SKAP1: variants seen among roughly 807,000 people sequenced by gnomAD.
SKAP1 encodes the protein src kinase associated phosphoprotein 1, also known as src kinase-associated phosphoprotein 1.
In SKAP1, 44 loss-of-function variants were observed where a neutral mutation model predicts 58.5. The ratio of observed to expected loss-of-function variants is 0.75; its 90% CI spans 0.59 to 0.97. The LOEUF (loss-of-function observed/expected upper bound fraction) is 0.97. Among genes scored for constraint, SKAP1 ranks in the 50% least tolerant of loss-of-function variants. SKAP1 has a pLI of 0.00. For missense variants in SKAP1, 390 were observed against 435.2 expected, an observed-to-expected ratio of 0.90 and a Z score of 0.92; for synonymous variants, 127 against 149.7, an observed-to-expected ratio of 0.85 and a Z score of 1.11.
chr17:48,420,669 C>T (rs1433855885), intron 1 of SKAP1, among the ~76,000 whole-genome samples: 1 of 151,360 alleles, frequency 6.6e-6, no homozygotes, highest in Non-Finnish European at 1.5e-5. Context: ...CCCATCCTGG[C>T]ACCCCCTGAT....
intron 3 of SKAP1, among the ~76,000 whole-genome samples, chr17:48,356,297 T>C (rs565116077): frequency 1.3e-5 from 2 of 152,188 alleles, no homozygotes; most frequent in African/African-American, 4.8e-5. Context: ...GATAGATAGA[T>C]AGATGAAAAC....
chr17:48,399,195 T>C (rs2067462645), intron 1 of SKAP1, among the ~76,000 whole-genome samples: 1 of 152,170 alleles, frequency 6.6e-6, no homozygotes, highest in Non-Finnish European at 1.5e-5. Context: ...TGGGTTCCAC[T>C]AGGGTCCTTT....
At chr17:48,165,565 T>G (rs547453286) in intron 10 of SKAP1, among the ~76,000 whole-genome samples, 2 of 152,130 alleles carry the variant, frequency 1.3e-5, no homozygotes, top group East Asian at 3.9e-4. Context: ...CACGCCCAGC[T>G]AATTTTGTAT....
rs149557871 is a variant in SKAP1 at position 48,427,429 on chromosome 17, C to T, written c.46+2646G>A. Among the ~76,000 whole-genome samples the T allele has an allele frequency of 1.9e-4, 29 of 152,184 alleles. No individual in the cohort carries two copies. The Middle Eastern group carries it at 0.01, about 54-fold the overall frequency. On this transcript the variant is annotated intron_variant, in intron 1 of 12. Transcript: ENST00000336915. ...CTTATTAACATTTAGCATAGATCTT[C>T]GTGCATATACTACTTCATGACCTTT...
intron 4 of SKAP1, among the ~76,000 whole-genome samples, chr17:48,288,679 A>G (rs2065864079): frequency 6.6e-6 from 1 of 152,122 alleles, no homozygotes; most frequent in African/African-American, 2.4e-5. Flanking sequence ...AAGTGAGACC[A>G]TCTCAAAAAA....
intron 4 of SKAP1, among the ~76,000 whole-genome samples, chr17:48,217,659 A>G (rs2143707027): frequency 6.6e-6 from 1 of 152,248 alleles, no homozygotes; most frequent in Non-Finnish European, 1.5e-5. Flanking sequence ...ATAAATAAAT[A>G]AGAAAAGGTT....
intron 4 of SKAP1, among the ~76,000 whole-genome samples, chr17:48,248,508 A>G (rs1168499025): frequency 6.6e-6 from 1 of 152,196 alleles, no homozygotes; most frequent in East Asian, 1.9e-4. Context: ...TGGATGTTGC[A>G]GTGGGCAGAG....
At chr17:48,270,869 A>T (rs1463809101) in intron 4 of SKAP1, among the ~76,000 whole-genome samples, 2 of 151,510 alleles carry the variant, frequency 1.3e-5, no homozygotes, top group African/African-American at 4.9e-5. Context: ...AATTTGCACT[A>T]TAATTATTAA....
rs575971440 is a variant in SKAP1 at position 48,333,647 on chromosome 17, T to C, written c.280+12258A>G. Among the ~76,000 whole-genome samples, 344 of 152,190 alleles carry C rather than the reference T, an allele frequency of 2.3e-3. 2 individuals are homozygous for C. The highest frequency in any genetic ancestry group is 8.0e-3 in the African/African-American group (333 of 41,554). On this transcript the variant is annotated intron_variant, in intron 4 of 12. Coordinates refer to ENST00000336915, the MANE Select transcript of SKAP1 (RefSeq NM_003726.4). ...GCCTCTTAACACTGAATGAAACATA[T>C]CTAACCAAATTAATATATTTAGAGT...
intron 4 of SKAP1, among the ~76,000 whole-genome samples, chr17:48,194,545 G>C (rs186826380): frequency 5.3e-5 from 8 of 152,272 alleles, no homozygotes; most frequent in Admixed American, 4.6e-4. Context: ...GGCAACACCA[G>C]AGCACAAGGC....
At chr17:48,334,028 T>C (rs932680634) in intron 4 of SKAP1, among the ~76,000 whole-genome samples, 3 of 151,914 alleles carry the variant, frequency 2.0e-5, no homozygotes, top group African/African-American at 7.2e-5. Context: ...GTTTCAATTA[T>C]ATGATAAAAA....
chr17:48,273,248 TG>T (rs1231116125), intron 4 of SKAP1, among the ~76,000 whole-genome samples: 2 of 152,210 alleles, frequency 1.3e-5, no homozygotes, highest in African/African-American at 4.8e-5. Context: ...ATTTCCTTTC[TG>T]TGCCTCCTGG....
At chr17:48,168,142 C>T (rs2064163218) in intron 10 of SKAP1, among the ~76,000 whole-genome samples, 1 of 152,164 alleles carries the variant, frequency 6.6e-6, no homozygotes, top group Non-Finnish European at 1.5e-5. Flanking sequence ...TGAACCGAAT[C>T]CCTTCCCCCC....
chr17:48,362,612 C>T (rs556065056), intron 3 of SKAP1, among the ~76,000 whole-genome samples: 110 of 152,346 alleles, frequency 7.2e-4, no homozygotes, highest in African/African-American at 2.4e-3. Flanking sequence ...AGTAACAGCA[C>T]ATCACATTAC....
At chr17:48,435,225 A>G (rs1329047634), upstream of SKAP1, among the ~76,000 whole-genome samples, 1 of 149,560 alleles carries the variant, frequency 6.7e-6, no homozygotes, top group African/African-American at 2.5e-5. Context: ...ATTGTTCCCA[A>G]TCCTTTTTTT....
chr17:48,423,474 A>G (rs2067819127), intron 1 of SKAP1, among the ~76,000 whole-genome samples: 1 of 152,210 alleles, frequency 6.6e-6, no homozygotes, highest in African/African-American at 2.4e-5. Context: ...AAATTCACTC[A>G]GCATTATATT....
At chr17:48,165,642 C>T (rs1016032882) in intron 10 of SKAP1, among the ~76,000 whole-genome samples, 2 of 152,108 alleles carry the variant, frequency 1.3e-5, no homozygotes, top group Admixed American at 6.5e-5. Flanking sequence ...TCAGGTGATC[C>T]GCCCACCTCG....
intron 2 of SKAP1, among the ~76,000 whole-genome samples, chr17:48,367,240 C>CATCT (rs551663077): frequency 3.4e-4 from 51 of 152,108 alleles, no homozygotes; most frequent in African/African-American, 1.2e-3. Flanking sequence ...GTAGTAGGTC[C>CATCT]ATCTAGTTGA....
At chr17:48,193,231 C>T (rs546377185) in intron 4 of SKAP1, among the ~76,000 whole-genome samples, 6 of 152,086 alleles carry the variant, frequency 3.9e-5, no homozygotes, top group African/African-American at 7.2e-5. Context: ...TTAGTAGAGA[C>T]GGGGTTTCTC....
Sources: gnomAD v4.1 joint callset for allele counts (sites outside exome capture counted in the v4.1 genomes callset) on GRCh38, gnomAD v4.1.1 for gene constraint, MANE v1.5 for transcripts, NCBI Gene and HGNC (gene_info 2026-07-23, HGNC 2026-07-21) for gene names.